RSU1: variants seen among roughly 807,000 people sequenced by gnomAD.
RSU1 encodes the protein rsu-1.
A neutral mutation model predicts 31.1 loss-of-function variants in RSU1; 26 were observed. The observed-to-expected ratio is 0.84, with a 90% CI of 0.61 to 1.16. RSU1 has a LOEUF of 1.16. Ranked by LOEUF, RSU1 falls within the 50% of genes most tolerant of loss-of-function variation. The probability of loss-of-function intolerance (pLI) is 0.00; values close to 1 mark genes in which losing one functional copy is unlikely to be tolerated. For synonymous variants in RSU1, 164 were observed against 136.3 expected (o/e 1.20, Z -1.41); for missense variants, 320 against 339.1 (o/e 0.94, Z 0.44).
rs370796284 is a variant in RSU1, at chr10:16,593,525, G to A, written c.732-29C>T. ...CAAAGACAGAGAAAGGACACTATCA[G>A]ATCTATTTTGCCAACACAAGATAGC... is the stretch of plus-strand genomic sequence containing the variant. On this transcript the variant is annotated intron_variant, in intron 8 of 8. Transcript: ENST00000345264. The A allele has an allele frequency of 3.1e-5, 49 of 1,560,434 alleles. No individual in the cohort carries two copies. The African/African-American group carries it at 6.2e-4, about 20-fold the overall frequency.
At chr10:16,646,320 T>C (rs962369558) in intron 8 of RSU1, among the ~76,000 whole-genome samples, 2 of 152,058 alleles carry the variant, frequency 1.3e-5, no homozygotes, top group African/African-American at 2.4e-5. Context: ...ACATCTTAAC[T>C]GTCAAGAATC....
chr10:16,787,292 G>A (rs890351764), intron 2 of RSU1, among the ~76,000 whole-genome samples: 2 of 151,978 alleles, frequency 1.3e-5, no homozygotes, highest in Non-Finnish European at 1.5e-5. Context: ...TATCCAACAC[G>A]TGTTCCACTA....
At chr10:16,603,963 C>T (rs373712404) in intron 8 of RSU1, among the ~76,000 whole-genome samples, 1 of 152,190 alleles carries the variant, frequency 6.6e-6, no homozygotes. Flanking sequence ...AATGCACTAA[C>T]TTGAATCTAG....
At chr10:16,605,971 A>G (rs374698781) in intron 8 of RSU1, among the ~76,000 whole-genome samples, 2 of 151,572 alleles carry the variant, frequency 1.3e-5, no homozygotes, top group East Asian at 3.9e-4. Flanking sequence ...ATTTTTTTTC[A>G]TAAACACCTG....
intron 2 of RSU1, among the ~76,000 whole-genome samples, chr10:16,797,856 CTTTT>C (rs766748303): frequency 2.9e-5 from 3 of 103,510 alleles, no homozygotes; most frequent in African/African-American, 6.7e-5. Flanking sequence ...GGGATTTCTT[CTTTT>C]TTTTTTTTTT....
At chr10:16,637,962 A>G (rs1834374685) in intron 8 of RSU1, among the ~76,000 whole-genome samples, 1 of 152,188 alleles carries the variant, frequency 6.6e-6, no homozygotes, top group Non-Finnish European at 1.5e-5. Context: ...TGTTTCCAAA[A>G]AGACCAAAGG....
intron 2 of RSU1, among the ~76,000 whole-genome samples, chr10:16,804,218 T>G (rs1838218424): frequency 6.6e-6 from 1 of 152,180 alleles, no homozygotes; most frequent in African/African-American, 2.4e-5. Flanking sequence ...TATGAAAAGA[T>G]GCTCGGCATC....
intron 7 of RSU1, among the ~76,000 whole-genome samples, chr10:16,711,151 G>A (rs1325889707): frequency 6.6e-6 from 1 of 151,994 alleles, no homozygotes; most frequent in Non-Finnish European, 1.5e-5. Context: ...GTTTGTATAT[G>A]TCCAAGAACT....
At chr10:16,793,989 T>C (rs1039384572) in intron 2 of RSU1, among the ~76,000 whole-genome samples, 2 of 152,050 alleles carry the variant, frequency 1.3e-5, no homozygotes, top group Admixed American at 6.6e-5. Context: ...AACCAATTCA[T>C]TGAGCGCCTC....
intron 4 of RSU1, among the ~76,000 whole-genome samples, chr10:16,757,737 G>A (rs1212311026): frequency 6.6e-6 from 1 of 152,192 alleles, no homozygotes; most frequent in African/African-American, 2.4e-5. Context: ...AGCTGCTCCA[G>A]ACCCTTGGGC....
intron 8 of RSU1, among the ~76,000 whole-genome samples, chr10:16,607,615 G>T (rs750173575): frequency 1.1e-4 from 17 of 152,180 alleles, no homozygotes; most frequent in Non-Finnish European, 2.1e-4. Context: ...ATCACACACT[G>T]AGCAGGTGCT....
chr10:16,596,633 C>T (rs560934112), intron 8 of RSU1, among the ~76,000 whole-genome samples: 2 of 152,344 alleles, frequency 1.3e-5, no homozygotes, highest in East Asian at 1.9e-4. Context: ...CCTCAGAGAT[C>T]TTTCCTCTGT....
chr10:16,700,186 G>T (rs191105861), intron 7 of RSU1, among the ~76,000 whole-genome samples: 1 of 152,028 alleles, frequency 6.6e-6, no homozygotes, highest in Non-Finnish European at 1.5e-5. Context: ...CAATCGAGGC[G>T]ATCTGGGCAA....
Position 16,593,304 on chromosome 10 carries a change from A to C in RSU1, c.*90T>G. Reference sequence around the variant, plus strand: ...GAAAAATAAAAAAGGCCTCACACGCAGCATTGGGTTTATTTGAGAGACAGG... The same window carrying C: ...GAAAAATAAAAAAGGCCTCACACGCCGCATTGGGTTTATTTGAGAGACAGG... On this transcript the variant is annotated 3_prime_UTR_variant, in exon 9 of 9. Coordinates refer to ENST00000345264, the MANE Select transcript of RSU1 (RefSeq NM_012425.4). 6.3e-7 allele frequency: 1 copy of C among 1,577,578 alleles called. No homozygotes were observed. The highest frequency in any genetic ancestry group is 8.6e-7 in the Non-Finnish European group (1 of 1,161,780).
chr10:16,796,970 C>T (rs140587710), intron 2 of RSU1, among the ~76,000 whole-genome samples: 1 of 152,216 alleles, frequency 6.6e-6, no homozygotes, highest in African/African-American at 2.4e-5. Flanking sequence ...AACTAACAAA[C>T]TTGACAACTG....
Position 16,773,502 on chromosome 10 carries a change from T to A in RSU1, c.160+8532A>T, listed in dbSNP as rs560569392. 7.2e-5 allele frequency among the ~76,000 whole-genome samples: 11 copies of A among 152,280 alleles called. No individual in the cohort carries two copies. The East Asian group carries it at 2.1e-3, about 29-fold the overall frequency. ...CGCTTCGTCCATGGAGCTCCTACAC[T>A]GACCTAACGGGACGTCAAGTGCACA... On this transcript the variant is annotated intron_variant, in intron 3 of 8. Coordinates refer to ENST00000345264, the MANE Select transcript of RSU1 (RefSeq NM_012425.4).
rs1264208185 is a variant in RSU1 at position 16,593,326 on chromosome 10, CAGGGCAAGAG to C, written c.*58_*67del. On this transcript the variant is annotated 3_prime_UTR_variant, in exon 9 of 9. Coordinates refer to ENST00000345264, the MANE Select transcript of RSU1 (RefSeq NM_012425.4). ...CGCAGCATTGGGTTTATTTGAGAGA[CAGGGCAAGAG>C]AGAATGAAGTGTTGGAGAGAGAAGG... 3.7e-6 allele frequency: 6 copies of C among 1,603,416 alleles called. No individual in the cohort carries two copies. The Admixed American group carries it at 8.6e-5, about 23-fold the overall frequency.
chr10:16,607,129 C>A (rs1320523599), intron 8 of RSU1, among the ~76,000 whole-genome samples: 1 of 152,184 alleles, frequency 6.6e-6, no homozygotes, highest in East Asian at 1.9e-4. Context: ...TGAGTGAGTT[C>A]TCGCGAGATC....
chr10:16,667,176 T>C (rs1835009968), intron 8 of RSU1, among the ~76,000 whole-genome samples: 1 of 152,212 alleles, frequency 6.6e-6, no homozygotes, highest in Admixed American at 6.5e-5. Context: ...AGCTGTCTGT[T>C]AGTTAATCTG....
Sources: gnomAD v4.1 joint callset for allele counts (sites outside exome capture counted in the v4.1 genomes callset) on GRCh38, gnomAD v4.1.1 for gene constraint, MANE v1.5 for transcripts, NCBI Gene and HGNC (gene_info 2026-07-23, HGNC 2026-07-21) for gene names.